CCNYL1: variants seen among roughly 807,000 people sequenced by gnomAD.
CCNYL1 encodes cyclin Y like 1.
Under a neutral mutation model 44.2 loss-of-function variants are expected in CCNYL1, and 16 were observed. The observed-to-expected ratio is 0.36, with a 90% CI of 0.25 to 0.55. The LOEUF (loss-of-function observed/expected upper bound fraction) is 0.55. Ranked by LOEUF, CCNYL1 falls within the 20% of genes least tolerant of loss-of-function variation. The probability of loss-of-function intolerance (pLI) is 0.85; values close to 1 mark genes in which losing one functional copy is unlikely to be tolerated. For synonymous variants in CCNYL1, 159 were observed against 163.2 expected, an observed-to-expected ratio of 0.97 and a Z score of 0.20; for missense variants, 348 against 451.8, an observed-to-expected ratio of 0.77 and a Z score of 2.08.
At chr2:207,738,199 G>A (rs1190986377) in intron 5 of CCNYL1, among the ~76,000 whole-genome samples, 1 of 150,722 alleles carries the variant, frequency 6.6e-6, no homozygotes, top group Non-Finnish European at 1.5e-5. Context: ...ATGGTTGTGG[G>A]TATTCTTTAT....
chr2:207,735,869 AAAAAC>A (rs976933715), intron 4 of CCNYL1, among the ~76,000 whole-genome samples: 6 of 152,128 alleles, frequency 3.9e-5, no homozygotes, highest in African/African-American at 9.7e-5. Context: ...GTCTCAAAAA[AAAAAC>A]AAAACAAAAC....
chr2:207,722,389 A>G (rs554518015), intron 1 of CCNYL1, among the ~76,000 whole-genome samples: 56 of 151,714 alleles, frequency 3.7e-4, no homozygotes, highest in Middle Eastern at 3.2e-3. Context: ...GATATTTCTT[A>G]TATTTACACA....
chr2:207,753,967 T>C lies in CCNYL1; in HGVS notation c.*269T>C, dbSNP rs2091913309. ...AAGGCTCCCATCCTACACACAGATA[T>C]TTGCTTACTGTGTGGGCCGATAGCT... On this transcript the variant is annotated 3_prime_UTR_variant, in exon 10 of 10. Coordinates refer to ENST00000295414, the MANE Select transcript of CCNYL1 (RefSeq NM_001330218.2). 4 of 331,424 alleles carry C rather than the reference T, an allele frequency of 1.2e-5. No individual in the cohort carries two copies. Among genetic ancestry groups the C allele is most frequent in the East Asian group, 5.1e-5 (1 of 19,430 alleles). The allele number at this position is 331,424 out of a possible 1,614,324, so 20.5% of individuals were successfully genotyped here. A position where few individuals can be genotyped will look rare whatever the true frequency, so the allele number is the denominator to read the frequency against.
chr2:207,750,159 A>C (rs2091881381), intron 8 of CCNYL1, among the ~76,000 whole-genome samples: 1 of 152,150 alleles, frequency 6.6e-6, no homozygotes, highest in Non-Finnish European at 1.5e-5. Context: ...ACTCAGAAGA[A>C]ACACTGAGTT....
chr2:207,748,481 G>A (rs1361083920), intron 8 of CCNYL1, among the ~76,000 whole-genome samples: 1 of 152,198 alleles, frequency 6.6e-6, no homozygotes, highest in African/African-American at 2.4e-5. Context: ...GGGCCTTGGA[G>A]CTTGGTAGGC....
At chr2:207,729,343 T>G (rs189754612) in intron 3 of CCNYL1, among the ~76,000 whole-genome samples, 100 of 144,740 alleles carry the variant, frequency 6.9e-4, no homozygotes, top group Non-Finnish European at 1.3e-3. Flanking sequence ...ATTCTTTTAC[T>G]TTATGCTCTA....
At position 207,731,468 on chromosome 2, in the gene CCNYL1, T is replaced by G. The variant is rs146872953; in HGVS notation, c.331-2479T>G. On this transcript the variant is annotated intron_variant, in intron 3 of 9. Transcript: ENST00000295414. ...ATATTCTTTGTCCCTATTTTGTGAC[T>G]ACCTGAAATGACATCTGTGAACTTT... Among the ~76,000 whole-genome samples, 1,159 of 152,348 alleles carry G rather than the reference T, an allele frequency of 7.6e-3. 14 individuals are homozygous for G. The highest frequency in any genetic ancestry group is 0.012 in the Non-Finnish European group (796 of 68,036).
Position 207,753,617 on chromosome 2 carries a change from C to A in CCNYL1, c.999C>A (p.Asp333Glu). 3 of 1,613,328 alleles carry A rather than the reference C, an allele frequency of 1.9e-6. No individual in the cohort carries two copies. The highest frequency in any genetic ancestry group is 2.5e-6 in the Non-Finnish European group (3 of 1,179,330). ...TTTCTAGATTGTGTGAAGACAAAGA[C>A]TTGTGTAGAGCCGCTATGAGAAGGT... ...EAISRLCEDK[D>E]LCRAAMRRSF... The change falls in exon 10 of 10, where the codon GAC becomes GAA. Residue 333 changes from aspartate (D) to glutamate (E), a missense_variant. Physicochemically the swap from Asp to Glu is conservative, Grantham distance 45 (BLOSUM62 2). Around this residue, in one of 3 missense-constraint regions of CCNYL1, gnomAD observed 94 missense variants for 102.4 expected, o/e 0.92. Transcript: ENST00000295414.
chr2:207,719,124 C>A (rs1423780507), intron 1 of CCNYL1, among the ~76,000 whole-genome samples: 1 of 152,028 alleles, frequency 6.6e-6, no homozygotes, highest in South Asian at 2.1e-4. Context: ...GAAAGGAATT[C>A]TTGGTGGTGG....
chr2:207,731,443 A>G (rs951587175), intron 3 of CCNYL1, among the ~76,000 whole-genome samples: 5 of 152,098 alleles, frequency 3.3e-5, no homozygotes, highest in African/African-American at 1.2e-4. Context: ...GATGAATGAT[A>G]TATTCTTTGT....
chr2:207,743,268 A>G (rs1305068090), intron 7 of CCNYL1, among the ~76,000 whole-genome samples: 2 of 152,212 alleles, frequency 1.3e-5, no homozygotes, highest in East Asian at 3.9e-4. Context: ...GACAGGTGAT[A>G]CAGGAGAGGA....
chr2:207,719,616 T>C (rs1009297424), intron 1 of CCNYL1, among the ~76,000 whole-genome samples: 1 of 152,206 alleles, frequency 6.6e-6, no homozygotes, highest in Non-Finnish European at 1.5e-5. Context: ...CAATTGCTCT[T>C]GCATTTCATT....
chr2:207,742,428 C>T, intron 7 of CCNYL1, 86 bp downstream of exon 7: 2 of 1,245,920 alleles, frequency 1.6e-6, no homozygotes, highest in South Asian at 3.7e-5. Flanking sequence ...AAAATAGGTT[C>T]CTGAAATTAT....
rs766332715 is a variant in CCNYL1, at chr2:207,733,997, T to C, written c.381T>C (p.Phe127=). The C allele has an allele frequency of 6.2e-7, 1 of 1,613,774 alleles. No homozygotes were observed. The highest frequency in any genetic ancestry group is 8.5e-7 in the Non-Finnish European group (1 of 1,179,752). Residue 127 remains phenylalanine, a synonymous_variant, in exon 4 of 10, where the codon TTT becomes TTC. Transcript: ENST00000295414. The part of the protein sequence containing the change: ...TKKYSSCSTI[F]LDDSTVSQPN... ...AGTATAGCTCATGCTCAACAATATTTCTAGATGACAGCACAGTCAGCCAGC... is the reference window on the plus strand; with the variant it reads ...AGTATAGCTCATGCTCAACAATATTCCTAGATGACAGCACAGTCAGCCAGC...
In CCNYL1 at chr2:207,726,823, T is replaced by A; in HGVS notation, c.296-19T>A. 6.4e-7 allele frequency: 1 copy of A among 1,562,816 alleles called. No homozygotes were observed. The highest frequency in any genetic ancestry group is 8.7e-7 in the Non-Finnish European group (1 of 1,154,438). On this transcript the variant is annotated intron_variant, in intron 2 of 9. Transcript: ENST00000295414. ...GGCATTTGTATCAGAATTGATCAGC[T>A]AATTTTTTTTATTCTTAGTGCGAGA...
At chr2:207,744,985 T>G (rs2091843995) in intron 7 of CCNYL1, among the ~76,000 whole-genome samples, 1 of 152,126 alleles carries the variant, frequency 6.6e-6, no homozygotes, top group African/African-American at 2.4e-5. Context: ...TGTACAATAT[T>G]AGGGAAGACT....
At chr2:207,715,560 A>G (rs2091587245) in intron 1 of CCNYL1, among the ~76,000 whole-genome samples, 1 of 150,260 alleles carries the variant, frequency 6.7e-6, no homozygotes, top group African/African-American at 2.5e-5. Context: ...TTGTATTTTT[A>G]GTAGAGACAG....
At position 207,740,717 on chromosome 2, in the gene CCNYL1, C is replaced by CT; in HGVS notation, c.519+18dup. On this transcript the variant is annotated intron_variant, in intron 6 of 9. Transcript: ENST00000295414. ...TCACATCCACTTACAGTAAGTGTCA[C>CT]TTTTTTTGAGGTAGTATTTTTCTCT... The CT allele has an allele frequency of 5.7e-6, 9 of 1,576,990 alleles. No homozygotes were observed. Among genetic ancestry groups the CT allele is most frequent in the Non-Finnish European group, 7.0e-6 (8 of 1,148,664 alleles).
At chr2:207,740,977 C>T (rs1449084043) in intron 6 of CCNYL1, among the ~76,000 whole-genome samples, 3 of 152,094 alleles carry the variant, frequency 2.0e-5, no homozygotes, top group Non-Finnish European at 4.4e-5. Flanking sequence ...TTTTTCAGGC[C>T]GGGCACGGTG....
Sources: allele counts gnomAD v4.1 joint callset (sites outside exome capture counted in the v4.1 genomes callset), GRCh38; gene constraint gnomAD v4.1.1; regional missense constraint gnomAD v4.1.1; transcripts MANE v1.5; gene names NCBI Gene and HGNC (gene_info 2026-07-23, HGNC 2026-07-21).